Variants in ROS1 observed in about 807,000 individuals in gnomAD.
The protein encoded by ROS1 is ROS proto-oncogene 1, receptor tyrosine kinase, also known as proto-oncogene tyrosine-protein kinase ROS.
Under a neutral mutation model 273.5 loss-of-function variants are expected in ROS1, and 263 were observed. The ratio of observed to expected loss-of-function variants is 0.96; its 90% confidence interval spans 0.87 to 1.06. ROS1 has a LOEUF of 1.06. Among genes scored for constraint, ROS1 ranks in the 50% least tolerant of loss-of-function variants. The probability of loss-of-function intolerance (pLI) is 0.00; values close to 1 mark genes in which losing one functional copy is unlikely to be tolerated. For missense variants in ROS1, 2,833 were observed against 2,751.1 expected, an observed-to-expected ratio of 1.03 and a Z score of -0.67; for synonymous variants, 1,008 against 954.1, an observed-to-expected ratio of 1.06 and a Z score of -1.04.
intron 32 of ROS1, among the ~76,000 whole-genome samples, chr6:117,333,384 G>A (rs532349885): frequency 1.8e-4 from 28 of 152,286 alleles, no homozygotes; most frequent in African/African-American, 6.7e-4. Flanking sequence ...CCCAGGACCA[G>A]ATGGATTCAC....
At chr6:117,420,358 A>G (rs933127645) in intron 1 of ROS1, among the ~76,000 whole-genome samples, 19 of 146,082 alleles carry the variant, frequency 1.3e-4, no homozygotes, top group Admixed American at 7.3e-5. Flanking sequence ...ACTTCTTGAC[A>G]TAAGCTTTTC....
Position 117,362,712 on chromosome 6 carries a change from T to C in ROS1, c.3257A>G (p.Gln1086Arg), listed in dbSNP as rs1404760277. The part of the protein sequence containing the change: ...KFEIFYNISN[Q>R]SITNKTCEDW... Reference sequence around the variant, plus strand: ...TTCACATGTTTTGTTTGTAATACTTTGATTGGATATATTGTAGAAAATTTC... The same window carrying C: ...TTCACATGTTTTGTTTGTAATACTTCGATTGGATATATTGTAGAAAATTTC... The change falls in exon 22 of 44, where the codon CAA becomes CGA. Residue 1086 changes from glutamine to arginine, a missense_variant. Coordinates refer to ENST00000368507, the MANE Select transcript of ROS1 (RefSeq NM_001378902.1). The C allele has an allele frequency of 1.9e-6, 3 of 1,613,702 alleles. No homozygotes were observed. The highest frequency in any genetic ancestry group is 1.7e-5 in the Admixed American group (1 of 59,998).
In ROS1 at chr6:117,425,839, G is replaced by T; in HGVS notation, c.-183C>A. ...CTTAGCCTTTTTCATTTAGACCTTT[G>T]AATGCTTGAAAGCTTGTAACAGTTC... is the stretch of plus-strand genomic sequence containing the variant. On this transcript the variant is annotated 5_prime_UTR_variant, in exon 1 of 44. An upstream open reading frame in the 5' UTR gains an earlier in-frame stop. Coordinates refer to ENST00000368507, the MANE Select transcript of ROS1 (RefSeq NM_001378902.1). The T allele has an allele frequency of 1.8e-6, 1 of 563,442 alleles. No individual in the cohort carries two copies. The highest frequency in any genetic ancestry group is 3.0e-6 in the Non-Finnish European group (1 of 329,678). The allele number at this position is 563,442 out of a possible 1,614,324, so 34.9% of individuals were successfully genotyped here. A position where few individuals can be genotyped will look rare whatever the true frequency, so the allele number is the denominator to read the frequency against.
chr6:117,395,859 G>A (rs3798386), intron 9 of ROS1, among the ~76,000 whole-genome samples: 16 of 151,994 alleles, frequency 1.1e-4, no homozygotes, highest in Admixed American at 8.5e-4. Flanking sequence ...GGGCAGAAAA[G>A]TTATATGTAT....
chr6:117,310,397 T>C lies in ROS1; in HGVS notation c.6216-116A>G, dbSNP rs1040203695. On this transcript the variant is annotated intron_variant, in intron 40 of 43. Transcript: ENST00000368507. ...GAGAAACTATTTTTTTTTTTTTTAC[T>C]TTAAGTTCTGGATTACATGTGCTGA... 9 of 693,746 alleles carry C rather than the reference T, an allele frequency of 1.3e-5. No homozygotes were observed. The African/African-American group carries it at 1.6e-4, about 13-fold the overall frequency. 43.0% of individuals were successfully genotyped at this position (693,746 alleles called of 1,614,324 possible).
chr6:117,372,456 GTTCT>G (rs1177180932), intron 18 of ROS1, among the ~76,000 whole-genome samples: 1 of 152,192 alleles, frequency 6.6e-6, no homozygotes, highest in Non-Finnish European at 1.5e-5. Context: ...GAACTGGTGG[GTTCT>G]TTTTCTGACT....
At chr6:117,331,387 G>C (rs529509521) in intron 32 of ROS1, among the ~76,000 whole-genome samples, 1 of 152,138 alleles carries the variant, frequency 6.6e-6, no homozygotes, top group Non-Finnish European at 1.5e-5. Context: ...GGAGGAGATG[G>C]GGAAAATGGA....
chr6:117,418,697 TATA>T (rs767377082), intron 1 of ROS1, among the ~76,000 whole-genome samples, 191 bp from the exon 2 acceptor site: 1 of 152,180 alleles, frequency 6.6e-6, no homozygotes, highest in Non-Finnish European at 1.5e-5. Context: ...AAATTATAGA[TATA>T]ATGTCTTAAG....
At chr6:117,328,828 C>T (rs2128591174) in intron 33 of ROS1, 1 of 613,176 alleles carries the variant, frequency 1.6e-6, no homozygotes. Flanking sequence ...GAACACATTG[C>T]AAACTGTAAT....
chr6:117,396,918 T>C lies in ROS1; in HGVS notation c.803A>G (p.Tyr268Cys), dbSNP rs1403866070. ...CTCTGTATCACTTAATTCTTACCTGTAGATAGTATTTGGTAAAGTGGAGTA... is the reference window on the plus strand; with the variant it reads ...CTCTGTATCACTTAATTCTTACCTGCAGATAGTATTTGGTAAAGTGGAGTA... ...QFYSTLPNTI[Y>C]RFSIAAVNEV... The change falls in exon 8 of 44, where the codon TAC becomes TGC. Residue 268 changes from tyrosine (Y) to cysteine (C), a missense_variant. Tyr to Cys is a radical substitution (Grantham distance 194). Transcript: ENST00000368507. The C allele has an allele frequency of 1.9e-6, 3 of 1,606,186 alleles. No homozygotes were observed. The highest frequency in any genetic ancestry group is 2.6e-6 in the Non-Finnish European group (3 of 1,172,802).
At chr6:117,359,568 C>T (rs1779609019) in intron 24 of ROS1, among the ~76,000 whole-genome samples, 1 of 152,162 alleles carries the variant, frequency 6.6e-6, no homozygotes, top group Non-Finnish European at 1.5e-5. Context: ...AACTTTCACC[C>T]ATAATATCCC....
At chr6:117,400,326 C>G (rs950436599) in intron 7 of ROS1, among the ~76,000 whole-genome samples, 5 of 152,170 alleles carry the variant, frequency 3.3e-5, no homozygotes, top group African/African-American at 1.2e-4. Flanking sequence ...AAAGCTTTAC[C>G]TTACTATGAG....
intron 12 of ROS1, among the ~76,000 whole-genome samples, chr6:117,390,286 T>G (rs1772958735): frequency 6.6e-6 from 1 of 152,054 alleles, no homozygotes; most frequent in African/African-American, 2.4e-5. Flanking sequence ...GCCACCGTGC[T>G]CGGCTAATTT....
At chr6:117,315,914 A>C (rs1261766045) in intron 39 of ROS1, among the ~76,000 whole-genome samples, 2 of 152,172 alleles carry the variant, frequency 1.3e-5, no homozygotes, top group Non-Finnish European at 2.9e-5. Flanking sequence ...AAAGTGTTAC[A>C]ATTCAGTTGG....
intron 7 of ROS1, among the ~76,000 whole-genome samples, chr6:117,398,678 C>CA (rs58864302): frequency 0.04 from 2,368 of 59,300 alleles, 44 homozygotes; most frequent in South Asian, 0.1. Flanking sequence ...GACCTTGTCT[C>CA]AAAAAAAAAA....
chr6:117,389,551 G>C lies in ROS1; in HGVS notation c.1585C>G (p.Gln529Glu). The C allele has an allele frequency of 6.2e-7, 1 of 1,614,202 alleles. No homozygotes were observed. Among genetic ancestry groups the C allele is most frequent in the Non-Finnish European group, 8.5e-7 (1 of 1,180,034 alleles). ...AATTCATTAAAAGACAAAGCATCCTGTTGGAAAATGACCTTGCCATCTGTG... is the reference window on the plus strand; with the variant it reads ...AATTCATTAAAAGACAAAGCATCCTCTTGGAAAATGACCTTGCCATCTGTG... ...LVTDGKVIFQQDALSFNEFIV... is the reference protein window; with the variant it reads ...LVTDGKVIFQEDALSFNEFIV... The change falls in exon 13 of 44, where the codon CAG becomes GAG. Residue 529 changes from glutamine (Q) to glutamate (E), a missense_variant. Transcript: ENST00000368507.
At chr6:117,418,881 A>C (rs1438931401) in intron 1 of ROS1, among the ~76,000 whole-genome samples, 1 of 152,200 alleles carries the variant, frequency 6.6e-6, no homozygotes, top group African/African-American at 2.4e-5. Context: ...GCAGGGAGAA[A>C]ATGCAAATTG....
rs201297419 is a variant in ROS1, at chr6:117,319,841, G to T, written c.5922+27C>A. 3.9e-5 allele frequency: 63 copies of T among 1,601,972 alleles called. No individual in the cohort carries two copies. In the African/African-American group the frequency reaches 7.5e-4, roughly 19 times the overall value. On this transcript the variant is annotated intron_variant, in intron 37 of 43. Coordinates refer to ENST00000368507, the MANE Select transcript of ROS1 (RefSeq NM_001378902.1). ...CTTTGTAGATATGGTGATATAATGT[G>T]TCAAGGAGTTCGAAGATTCACATTA...
intron 43 of ROS1, among the ~76,000 whole-genome samples, chr6:117,297,291 T>C (rs190247023): frequency 1.1e-3 from 174 of 152,266 alleles, no homozygotes; most frequent in Non-Finnish European, 1.9e-4. Flanking sequence ...GGAAAACTCT[T>C]CTGGATATTG....
Sources: gnomAD v4.1 joint callset for allele counts (sites outside exome capture counted in the v4.1 genomes callset) on GRCh38, gnomAD v4.1.1 for gene constraint, MANE v1.5 for transcripts, NCBI Gene and HGNC (gene_info 2026-07-23, HGNC 2026-07-21) for gene names.